Variants in CMTM8 observed in about 807,000 individuals in gnomAD.
CMTM8 encodes the protein CKLF like MARVEL transmembrane domain containing 8.
A neutral mutation model predicts 18.6 loss-of-function variants in CMTM8; 12 were observed. The ratio of observed to expected loss-of-function variants is 0.65; its 90% confidence interval spans 0.41 to 1.05. The LOEUF is 1.05. Among genes scored for constraint, CMTM8 ranks in the 50% least tolerant of loss-of-function variants. CMTM8 has a pLI of 0.00. For missense variants in CMTM8, 217 were observed against 227.2 expected, an observed-to-expected ratio of 0.95 and a Z score of 0.29; for synonymous variants, 87 against 90.6, an observed-to-expected ratio of 0.96 and a Z score of 0.23.
chr3:32,339,288 A>G (rs189299305), intron 1 of CMTM8, among the ~76,000 whole-genome samples: 13 of 152,330 alleles, frequency 8.5e-5, no homozygotes, highest in Admixed American at 3.9e-4. Context: ...ACGTGAGACT[A>G]AAGTCCTAAG....
At chr3:32,295,455 C>CAAAAAAAAAAAAAAAAAA (rs1400148634) in intron 1 of CMTM8, among the ~76,000 whole-genome samples, 4 of 27,550 alleles carry the variant, frequency 1.5e-4, no homozygotes, top group African/African-American at 1.3e-4. Context: ...GACTCCATCT[C>CAAAAAAAAAAAAAAAAAA]AAAAAAAAAA....
chr3:32,248,667 G>T (rs945772715), intron 1 of CMTM8, among the ~76,000 whole-genome samples: 10 of 143,512 alleles, frequency 7.0e-5, no homozygotes, highest in Non-Finnish European at 1.4e-4. Flanking sequence ...CCTGGCCCAT[G>T]TTTTTTTTTT....
intron 1 of CMTM8, among the ~76,000 whole-genome samples, chr3:32,326,811 C>T (rs1377386274): frequency 1.3e-5 from 2 of 152,090 alleles, no homozygotes; most frequent in Admixed American, 6.5e-5. Flanking sequence ...CCACCAGGCA[C>T]AGTCAGTCTG....
intron 1 of CMTM8, among the ~76,000 whole-genome samples, chr3:32,258,442 C>T (rs753581544): frequency 8.5e-5 from 13 of 152,234 alleles, no homozygotes; most frequent in East Asian, 5.8e-4. Context: ...AATAATGACC[C>T]TCTTTCTGTG....
At chr3:32,259,334 A>G (rs1194195254) in intron 1 of CMTM8, 31 of 728,750 alleles carry the variant, frequency 4.3e-5, no homozygotes, top group Admixed American at 3.3e-4. Flanking sequence ...CTTCAAGACC[A>G]TCAAAGACCT....
At chr3:32,242,142 G>A (rs538713573) in intron 1 of CMTM8, among the ~76,000 whole-genome samples, 10 of 152,156 alleles carry the variant, frequency 6.6e-5, no homozygotes, top group South Asian at 2.1e-4. Context: ...CCCACTGGGG[G>A]GACACACAGC....
At chr3:32,337,708 G>A (rs1307436256) in intron 1 of CMTM8, among the ~76,000 whole-genome samples, 1 of 152,216 alleles carries the variant, frequency 6.6e-6, no homozygotes, top group Non-Finnish European at 1.5e-5. Flanking sequence ...TGATTCAGCA[G>A]GTCTGGGTGT....
chr3:32,298,228 A>G (rs1431637119), intron 1 of CMTM8, among the ~76,000 whole-genome samples: 5 of 151,542 alleles, frequency 3.3e-5, no homozygotes, highest in Non-Finnish European at 5.9e-5. Flanking sequence ...TCCCACCACC[A>G]TGCCCAGCTA....
chr3:32,298,841 G>A (rs1276904791), intron 1 of CMTM8, among the ~76,000 whole-genome samples: 1 of 140,380 alleles, frequency 7.1e-6, no homozygotes, highest in African/African-American at 2.6e-5. Context: ...ATATATATGT[G>A]TGTGTGTATA....
At chr3:32,319,074 A>ATATATATTTTTT in intron 1 of CMTM8, among the ~76,000 whole-genome samples, 4 of 31,530 alleles carry the variant, frequency 1.3e-4, no homozygotes, top group Non-Finnish European at 1.5e-4. Context: ...ATATATATAT[A>ATATATATTTTTT]TTTTTTTTTT....
intron 1 of CMTM8, among the ~76,000 whole-genome samples, chr3:32,240,072 CTT>C (rs1379047103): frequency 6.6e-6 from 1 of 152,244 alleles, no homozygotes; most frequent in African/African-American, 2.4e-5. Flanking sequence ...CTCTCACAGA[CTT>C]TTGTTAAATA....
intron 1 of CMTM8, among the ~76,000 whole-genome samples, chr3:32,281,515 T>C (rs1198927994): frequency 6.6e-6 from 1 of 152,214 alleles, no homozygotes; most frequent in Non-Finnish European, 1.5e-5. Context: ...TAATATGCTG[T>C]GATGAATGCC....
intron 1 of CMTM8, among the ~76,000 whole-genome samples, chr3:32,270,029 C>T (rs143176389): frequency 6.6e-6 from 1 of 152,024 alleles, no homozygotes; most frequent in South Asian, 2.1e-4. Flanking sequence ...CTGCCTCAGC[C>T]TCTCAAAGTG....
chr3:32,345,908 A>C (rs78571782), intron 1 of CMTM8, among the ~76,000 whole-genome samples: 1 of 152,166 alleles, frequency 6.6e-6, no homozygotes, highest in South Asian at 2.1e-4. Context: ...TAATCCCAGC[A>C]CTTTGGGAGG....
At chr3:32,238,631 C>T (rs1701900080), upstream of CMTM8, 1 of 151,684 alleles carries the variant, frequency 6.6e-6, no homozygotes, top group Non-Finnish European at 1.5e-5. Flanking sequence ...CGGTCCCTCT[C>T]CTGCCCGCCT....
chr3:32,324,496 C>T (rs1696118649), intron 1 of CMTM8, among the ~76,000 whole-genome samples: 1 of 152,180 alleles, frequency 6.6e-6, no homozygotes. Flanking sequence ...GTAATTATCT[C>T]AGGTTTATTG....
intron 1 of CMTM8, among the ~76,000 whole-genome samples, chr3:32,266,070 T>C (rs1418093972): frequency 4.6e-5 from 7 of 152,168 alleles, no homozygotes; most frequent in East Asian, 1.9e-4. Context: ...TTCCAATCAA[T>C]AGAAAAAGAG....
chr3:32,369,295 C>T (rs1429335114), intron 3 of CMTM8, among the ~76,000 whole-genome samples: 1 of 152,150 alleles, frequency 6.6e-6, no homozygotes, highest in South Asian at 2.1e-4. Flanking sequence ...GCTTGGGCAA[C>T]AAGAGCGAAA....
chr3:32,320,023 C>T (rs908382758), intron 1 of CMTM8, among the ~76,000 whole-genome samples: 10 of 152,204 alleles, frequency 6.6e-5, no homozygotes, highest in African/African-American at 2.2e-4. Context: ...GTGTTCCTTC[C>T]GACTAGAGAC....
Sources: gnomAD v4.1 joint callset for allele counts (sites outside exome capture counted in the v4.1 genomes callset) on GRCh38, gnomAD v4.1.1 for gene constraint, MANE v1.5 for transcripts, NCBI Gene and HGNC (gene_info 2026-07-23, HGNC 2026-07-21) for gene names.